SUSD4: variants seen among roughly 807,000 people sequenced by gnomAD.
SUSD4 encodes sushi domain containing 4, also known as sushi domain-containing protein 4.
A neutral mutation model predicts 50.5 loss-of-function variants in SUSD4; 41 were observed. That is an observed-to-expected ratio of 0.81 (90% CI 0.63 to 1.05). The LOEUF is 1.05. Among genes scored for constraint, SUSD4 ranks in the 50% least tolerant of loss-of-function variants. SUSD4 has a pLI of 0.00. For synonymous variants in SUSD4, 257 were observed against 257.3 expected, an observed-to-expected ratio of 1.00 and a Z score of 0.01; for missense variants, 580 against 634.7, an observed-to-expected ratio of 0.91 and a Z score of 0.93.
intron 2 of SUSD4, 56 bp downstream of exon 2, chr1:223,363,222 C>A (rs928848343): frequency 6.9e-7 from 1 of 1,443,118 alleles, no homozygotes; most frequent in Admixed American, 2.5e-5. Context: ...GGCAGCTAGG[C>A]TCTTTCTCCC....
intron 5 of SUSD4, among the ~76,000 whole-genome samples, chr1:223,244,027 T>C (rs1332591495): frequency 6.6e-6 from 1 of 152,228 alleles, no homozygotes; most frequent in African/African-American, 2.4e-5. Flanking sequence ...CATCCTCAGA[T>C]GATAAATAAG....
At chr1:223,225,801 C>T (rs1659479464) in intron 7 of SUSD4, among the ~76,000 whole-genome samples, 2 of 152,118 alleles carry the variant, frequency 1.3e-5, no homozygotes, top group South Asian at 4.1e-4. Context: ...TTCCCCTCCA[C>T]GTGTCCCCGC....
At chr1:223,338,379 A>G (rs1017807396) in intron 2 of SUSD4, among the ~76,000 whole-genome samples, 2 of 152,224 alleles carry the variant, frequency 1.3e-5, no homozygotes, top group Non-Finnish European at 2.9e-5. Context: ...AACTGAAAAA[A>G]TGAAAGAAAC....
chr1:223,274,639 G>T (rs1176343485), intron 3 of SUSD4, among the ~76,000 whole-genome samples: 1 of 152,184 alleles, frequency 6.6e-6, no homozygotes. Context: ...TTATTTATTT[G>T]TGGTTGACAA....
chr1:223,316,653 T>G (rs951675469), intron 2 of SUSD4, among the ~76,000 whole-genome samples: 1 of 152,300 alleles, frequency 6.6e-6, no homozygotes, highest in Admixed American at 6.5e-5. Context: ...GTCAGAACCA[T>G]GCCCAGTGGA....
chr1:223,363,232 C>T (rs1204145405), intron 2 of SUSD4, 46 bp downstream of exon 2: 1 of 1,497,932 alleles, frequency 6.7e-7, no homozygotes, highest in Admixed American at 2.1e-5. Context: ...CTCTTTCTCC[C>T]CTCTGGGCCA....
chr1:223,331,305 T>A (rs1325362809), intron 2 of SUSD4, among the ~76,000 whole-genome samples: 1 of 152,172 alleles, frequency 6.6e-6, no homozygotes, highest in Non-Finnish European at 1.5e-5. Context: ...CATTCCAGCA[T>A]CACAGAGAGA....
intron 3 of SUSD4, among the ~76,000 whole-genome samples, chr1:223,291,067 T>A (rs536124836): frequency 6.6e-6 from 1 of 152,252 alleles, no homozygotes; most frequent in African/African-American, 2.4e-5. Flanking sequence ...CCTTAAGTCT[T>A]TATTATATTT....
At chr1:223,355,648 A>G (rs1020264068) in intron 2 of SUSD4, among the ~76,000 whole-genome samples, 5 of 152,218 alleles carry the variant, frequency 3.3e-5, no homozygotes, top group African/African-American at 1.2e-4. Context: ...TGAGAAAAAA[A>G]GGAATATAAT....
rs79922173 is a variant in SUSD4, at chr1:223,256,104, T to C, written c.724+8526A>G. Among the ~76,000 whole-genome samples, 970 of 152,318 alleles carry C rather than the reference T, an allele frequency of 6.4e-3. 12 individuals are homozygous for C. Among genetic ancestry groups the C allele is most frequent in the African/African-American group, 0.022 (913 of 41,570 alleles). ...TGGAAATTCCCCCATTGCTCACCAT[T>C]GTATACAGTGTAGCTTGGGGCAGAT... On this transcript the variant is annotated intron_variant, in intron 5 of 8. Coordinates refer to ENST00000366878, the MANE Select transcript of SUSD4 (RefSeq NM_017982.4).
rs1038825855 is a variant in SUSD4 at position 223,224,634 on chromosome 1, G to A, written c.1062-1003C>T. Among the ~76,000 whole-genome samples, 13 of 152,124 alleles carry A rather than the reference G, an allele frequency of 8.5e-5. No individual in the cohort carries two copies. The South Asian group carries it at 1.7e-3, about 19-fold the overall frequency. On this transcript the variant is annotated intron_variant, in intron 7 of 8. Coordinates refer to ENST00000366878, the MANE Select transcript of SUSD4 (RefSeq NM_017982.4). The stretch of plus-strand genomic sequence containing the variant: ...TTGCTGGTGTGAGGGCTCCAGGAGC[G>A]GCGGCAAAGTGAGTCTGCATGTCTG...
intron 5 of SUSD4, among the ~76,000 whole-genome samples, chr1:223,232,179 T>C (rs1274984428): frequency 6.6e-6 from 1 of 151,966 alleles, no homozygotes; most frequent in African/African-American, 2.4e-5. Flanking sequence ...GTAGAGGGAA[T>C]CAGAAGATGT....
At chr1:223,255,372 G>A (rs532241392) in intron 5 of SUSD4, among the ~76,000 whole-genome samples, 1 of 152,158 alleles carries the variant, frequency 6.6e-6, no homozygotes, top group Admixed American at 6.5e-5. Context: ...AAAGAGGTTG[G>A]GGGGTGGGAG....
chr1:223,275,387 A>G (rs1258519146), intron 3 of SUSD4, among the ~76,000 whole-genome samples: 7 of 152,232 alleles, frequency 4.6e-5, no homozygotes, highest in Non-Finnish European at 1.0e-4. Context: ...TTTATCTTTA[A>G]AGAAACTTTA....
rs559293923 is a variant in SUSD4, at chr1:223,306,730, C to T, written c.149-14079G>A. On this transcript the variant is annotated intron_variant, in intron 2 of 8. Transcript: ENST00000366878. Reference sequence around the variant, plus strand: ...CTGGTCTTGAACTCCTGAGCACAAGCGATCTGCCCATCTTGGCCTCCCAAA... The same window carrying T: ...CTGGTCTTGAACTCCTGAGCACAAGTGATCTGCCCATCTTGGCCTCCCAAA... Among the ~76,000 whole-genome samples, 75 of 152,120 alleles carry T rather than the reference C, an allele frequency of 4.9e-4. 1 individual carries two copies. The highest frequency in any genetic ancestry group is 8.5e-4 in the Non-Finnish European group (58 of 68,020).
intron 5 of SUSD4, among the ~76,000 whole-genome samples, chr1:223,249,327 CCT>C (rs1661149839): frequency 6.6e-6 from 1 of 152,156 alleles, no homozygotes; most frequent in Non-Finnish European, 1.5e-5. Context: ...CATTTCTGAC[CCT>C]CTCTGCAATC....
intron 2 of SUSD4, among the ~76,000 whole-genome samples, chr1:223,362,905 C>T (rs1260926729): frequency 6.6e-6 from 1 of 151,272 alleles, no homozygotes; most frequent in Admixed American, 6.6e-5. Context: ...GCAAGAGGTC[C>T]ACAAATACAC....
At chr1:223,360,009 C>T (rs189915707) in intron 2 of SUSD4, among the ~76,000 whole-genome samples, 96 of 152,198 alleles carry the variant, frequency 6.3e-4, no homozygotes, top group Admixed American at 5.9e-4. Context: ...TAGCCCCCTC[C>T]GCCCTACTAT....
chr1:223,270,648 C>A (rs1017822611), intron 3 of SUSD4, among the ~76,000 whole-genome samples: 5 of 152,144 alleles, frequency 3.3e-5, no homozygotes, highest in Admixed American at 3.3e-4. Context: ...CAGCTCACTG[C>A]AACCTCCACC....
Sources: gnomAD v4.1 joint callset for allele counts (sites outside exome capture counted in the v4.1 genomes callset) on GRCh38, gnomAD v4.1.1 for gene constraint, MANE v1.5 for transcripts, NCBI Gene and HGNC (gene_info 2026-07-23, HGNC 2026-07-21) for gene names.